The following FAM20B variants were observed in gnomAD, a reference collection of about 807,000 sequenced individuals.
FAM20B encodes the protein FAM20B glycosaminoglycan xylosylkinase.
A neutral mutation model predicts 43.8 loss-of-function variants in FAM20B; 23 were observed. The observed-to-expected ratio is 0.53, with a 90% CI of 0.38 to 0.74. The LOEUF (loss-of-function observed/expected upper bound fraction) is 0.74. Among genes scored for constraint, FAM20B ranks in the 30% least tolerant of loss-of-function variants. The pLI is 0.00. For missense variants in FAM20B, 440 were observed against 510.5 expected, an observed-to-expected ratio of 0.86 and a Z score of 1.33; for synonymous variants, 178 against 192.4, an observed-to-expected ratio of 0.93 and a Z score of 0.62.
chr1:179,065,133 G>A (rs141593867), intron 6 of FAM20B, among the ~76,000 whole-genome samples: 22 of 151,840 alleles, frequency 1.4e-4, no homozygotes, highest in African/African-American at 5.1e-4. Context: ...TGTGGTGGCC[G>A]GTTTAGTGCC....
At position 179,043,856 on chromosome 1, in the gene FAM20B, A is replaced by T. The variant is rs370939998; in HGVS notation, c.9A>T (p.Leu3=). Residue 3 remains leucine (L), a synonymous_variant, in exon 2 of 8, where the codon CTA becomes CTT. Coordinates refer to ENST00000263733, the MANE Select transcript of FAM20B (RefSeq NM_014864.4). MK[L]KQRVVLLAIL... ...AAGGAAAAGAGGTCAACATGAAGCT[A>T]AAGCAGCGAGTCGTGCTGTTAGCAA... 1 of 1,594,518 alleles carries T rather than the reference A, an allele frequency of 6.3e-7. No homozygotes were observed. Among genetic ancestry groups the T allele is most frequent in the African/African-American group, 1.3e-5 (1 of 74,810 alleles).
the FAM20B span, among the ~76,000 whole-genome samples, chr1:179,020,033 G>A: frequency 6.6e-6 from 1 of 151,960 alleles, no homozygotes; most frequent in Admixed American, 6.6e-5. Context: ...CCTCTGTTCG[G>A]GTCACCTCCC....
chr1:179,052,442 T>G lies in FAM20B; in HGVS notation c.464+2077T>G, dbSNP rs192058706. On this transcript the variant is annotated intron_variant, in intron 3 of 7. Coordinates refer to ENST00000263733, the MANE Select transcript of FAM20B (RefSeq NM_014864.4). Reference sequence around the variant, plus strand: ...ATATGCTGCTTATGGCATTGTTAATTGTTTCAGTCTTTTTGTTAAGAACCC... The same window carrying G: ...ATATGCTGCTTATGGCATTGTTAATGGTTTCAGTCTTTTTGTTAAGAACCC... 3.9e-5 allele frequency among the ~76,000 whole-genome samples: 6 copies of G among 152,332 alleles called. 1 individual carries two copies. Among genetic ancestry groups the G allele is most frequent in the Admixed American group, 3.3e-4 (5 of 15,296 alleles).
At chr1:179,061,427 CAG>C (rs1651460992) in intron 4 of FAM20B, among the ~76,000 whole-genome samples, 1 of 144,670 alleles carries the variant, frequency 6.9e-6, no homozygotes, top group South Asian at 2.2e-4. Flanking sequence ...TTTTTTGAGA[CAG>C]AGTCTCACCC....
intron 1 of FAM20B, among the ~76,000 whole-genome samples, chr1:179,027,545 G>A (rs977669405): frequency 2.0e-5 from 3 of 152,178 alleles, no homozygotes; most frequent in Non-Finnish European, 4.4e-5. Context: ...CTCTCGAACC[G>A]TACAATGGAA....
chr1:179,037,282 A>C (rs572289631), intron 1 of FAM20B, among the ~76,000 whole-genome samples: 22 of 152,248 alleles, frequency 1.4e-4, no homozygotes, highest in African/African-American at 5.1e-4. Context: ...TGTAAAGAAC[A>C]ATGACAAATT....
rs144145131 is a variant in FAM20B, at chr1:179,062,588, T to C, written c.575-1339T>C. Among the ~76,000 whole-genome samples, 1,259 of 152,062 alleles carry C rather than the reference T, an allele frequency of 8.3e-3. 18 individuals carry two copies. Among genetic ancestry groups the C allele is most frequent in the African/African-American group, 0.029 (1,205 of 41,456 alleles). ...TTGCTTGAACCCGGGAGGCGGAGGT[T>C]TCAGTGAGCCAAGATCATGCCACTG... On this transcript the variant is annotated intron_variant, in intron 4 of 7. Transcript: ENST00000263733.
chr1:179,063,337 G>C (rs904231315), intron 4 of FAM20B, among the ~76,000 whole-genome samples: 3 of 152,134 alleles, frequency 2.0e-5, no homozygotes, highest in Admixed American at 1.3e-4. Flanking sequence ...TATAATCCCA[G>C]CATTTTGAGA....
At chr1:179,062,917 C>T (rs936155364) in intron 4 of FAM20B, among the ~76,000 whole-genome samples, 13 of 152,150 alleles carry the variant, frequency 8.5e-5, no homozygotes, top group African/African-American at 3.1e-4. Flanking sequence ...TTTTGCCCTC[C>T]CCTGGGCACT....
intron 1 of FAM20B, among the ~76,000 whole-genome samples, chr1:179,040,577 G>A (rs1250947974): frequency 7.2e-5 from 9 of 125,194 alleles, no homozygotes; most frequent in Non-Finnish European, 1.6e-4. Flanking sequence ...GCAGCTGGCC[G>A]GGCAGAGGGG....
intron 1 of FAM20B, among the ~76,000 whole-genome samples, chr1:179,033,540 G>A (rs555768538): frequency 2.8e-4 from 42 of 152,188 alleles, no homozygotes; most frequent in African/African-American, 1.0e-3. Flanking sequence ...TTTTAGTCAC[G>A]TAATTTATTT....
chr1:179,024,356 C>T (rs1475363552), upstream of FAM20B, among the ~76,000 whole-genome samples: 1 of 152,164 alleles, frequency 6.6e-6, no homozygotes, highest in Non-Finnish European at 1.5e-5. Flanking sequence ...CTGTCCTTGT[C>T]AGAGTTACAG....
chr1:179,021,246 C>G (rs2102472288), upstream of FAM20B, among the ~76,000 whole-genome samples: 1 of 152,178 alleles, frequency 6.6e-6, no homozygotes, highest in South Asian at 2.1e-4. Context: ...TCTGAGGAAC[C>G]CAGAACTTCC....
In FAM20B at chr1:179,043,747, A is replaced by T; in HGVS notation, c.-101A>T. The T allele has an allele frequency of 8.2e-7, 1 of 1,219,878 alleles. No individual in the cohort carries two copies. 75.6% of individuals were successfully genotyped at this position (1,219,878 alleles called of 1,614,324 possible). Reference sequence around the variant, plus strand: ...GGAAGGTGCATCAGTGAAGAAATGGACCAATGTGTATAATCATGGAATCTC... The same window carrying T: ...GGAAGGTGCATCAGTGAAGAAATGGTCCAATGTGTATAATCATGGAATCTC... On this transcript the variant is annotated 5_prime_UTR_variant, in exon 2 of 8. Transcript: ENST00000263733.
chr1:179,061,599 A>G (rs1651468350), intron 4 of FAM20B, among the ~76,000 whole-genome samples: 1 of 151,486 alleles, frequency 6.6e-6, no homozygotes, highest in African/African-American at 2.4e-5. Context: ...TATAGAGACA[A>G]GGTTTCATTG....
intron 7 of FAM20B, among the ~76,000 whole-genome samples, chr1:179,071,633 C>CTGAAT (rs1651928224): frequency 6.6e-6 from 1 of 152,124 alleles, no homozygotes; most frequent in South Asian, 2.1e-4. Context: ...ATTTCCCAGT[C>CTGAAT]GTTAGACATT....
intron 1 of FAM20B, among the ~76,000 whole-genome samples, chr1:179,039,525 C>A (rs1190734729): frequency 2.6e-5 from 4 of 152,016 alleles, no homozygotes; most frequent in Admixed American, 6.5e-5. Context: ...ATATTTTTTT[C>A]CCTTTACTTA....
intron 1 of FAM20B, among the ~76,000 whole-genome samples, chr1:179,040,470 C>T (rs1337433299): frequency 2.0e-5 from 3 of 147,242 alleles, no homozygotes; most frequent in African/African-American, 7.6e-5. Flanking sequence ...CCGGACGAGG[C>T]GGCTAGCCGG....
chr1:179,017,671 C>T, the FAM20B span, among the ~76,000 whole-genome samples: 1 of 152,182 alleles, frequency 6.6e-6, no homozygotes, highest in African/African-American at 2.4e-5. Context: ...AAGCTGCCTT[C>T]CTTCACATTG....
Sources: gnomAD v4.1 joint callset for allele counts (sites outside exome capture counted in the v4.1 genomes callset) on GRCh38, gnomAD v4.1.1 for gene constraint, MANE v1.5 for transcripts, NCBI Gene and HGNC (gene_info 2026-07-23, HGNC 2026-07-21) for gene names.